The following DROSHA variants were observed in gnomAD, a reference collection of about 807,000 sequenced individuals.
DROSHA encodes ribonuclease 3.
DROSHA carries 56 observed loss-of-function variants against 181.9 expected under a neutral mutation model. The ratio of observed to expected loss-of-function variants is 0.31; its 90% CI spans 0.25 to 0.38. The LOEUF (loss-of-function observed/expected upper bound fraction) is 0.38. DROSHA is among the 10% of genes least tolerant of loss of function. The probability of loss-of-function intolerance (pLI) is 1.00; values close to 1 mark genes in which losing one functional copy is unlikely to be tolerated. For synonymous variants in DROSHA, 524 were observed against 591.2 expected, an observed-to-expected ratio of 0.89 and a Z score of 1.65; for missense variants, 1,218 against 1,743.5, an observed-to-expected ratio of 0.70 and a Z score of 5.37.
chr5:31,466,035 T>A (rs982838365), intron 19 of DROSHA, 147 bp downstream of exon 19: 2 of 763,196 alleles, frequency 2.6e-6, no homozygotes, highest in South Asian at 4.1e-5. Flanking sequence ...TCAATTCGTA[T>A]AATAATGGGG....
chr5:31,506,132 G>A (rs188894330), intron 10 of DROSHA, among the ~76,000 whole-genome samples: 96 of 151,690 alleles, frequency 6.3e-4, no homozygotes, highest in Non-Finnish European at 1.2e-3. Flanking sequence ...ATGCTGAGGC[G>A]GACGGATCAC....
chr5:31,461,033 G>A (rs1011984984), intron 20 of DROSHA, among the ~76,000 whole-genome samples: 7 of 152,096 alleles, frequency 4.6e-5, no homozygotes, highest in East Asian at 1.9e-4. Flanking sequence ...TAGCATATAC[G>A]ACTTGTGACT....
In DROSHA at chr5:31,422,852, A is replaced by G; in HGVS notation, c.3354T>C (p.Phe1118=). 8 of 1,613,754 alleles carry G rather than the reference A, an allele frequency of 5.0e-6. No homozygotes were observed. The highest frequency in any genetic ancestry group is 2.7e-5 in the African/African-American group (2 of 75,058). ...CCCTTGCCAGAAGTCGAACATGAGTAAAAATTACTCCAATTGCTTCTTCAA... is the reference window on the plus strand; with the variant it reads ...CCCTTGCCAGAAGTCGAACATGAGTGAAAATTACTCCAATTGCTTCTTCAA... ...TEFEEAIGVI[F]THVRLLARAF... The change falls in exon 29 of 36, where the codon TTT becomes TTC. Residue 1118 remains phenylalanine, a synonymous_variant. Coordinates refer to ENST00000344624, the MANE Select transcript of DROSHA (RefSeq NM_001382508.1).
chr5:31,511,278 T>C, intron 8 of DROSHA, 102 bp from the exon 9 acceptor site: 1 of 1,164,418 alleles, frequency 8.6e-7, no homozygotes, highest in African/African-American at 1.6e-5. Context: ...AACAGCAAGA[T>C]GCTATTTTTC....
chr5:31,421,198 T>TA lies in DROSHA; in HGVS notation c.3525+73dup, dbSNP rs1365499270. On this transcript the variant is annotated intron_variant, in intron 30 of 35. Coordinates refer to ENST00000344624, the MANE Select transcript of DROSHA (RefSeq NM_001382508.1). ...AAGAGTAAGAAATTAATTACATAGA[T>TA]ATATATTTGACCCCTCTAATCTTCA... The TA allele has an allele frequency of 4.8e-5, 53 of 1,114,880 alleles. No individual in the cohort carries two copies. The South Asian group carries it at 7.0e-4, about 15-fold the overall frequency. 69.1% of individuals were successfully genotyped at this position (1,114,880 alleles called of 1,614,324 possible).
At position 31,497,626 on chromosome 5, in the gene DROSHA, C is replaced by T. The variant is rs566780675; in HGVS notation, c.1669-2254G>A. ...CTGCCAGTCCCACTGTGGAACAGTC[C>T]ATAGGGCTCACCCAGTAGCTGGATC... On this transcript the variant is annotated intron_variant, in intron 11 of 35. Transcript: ENST00000344624. 7.2e-5 allele frequency among the ~76,000 whole-genome samples: 11 copies of T among 152,358 alleles called. No individual in the cohort carries two copies. In the East Asian group the frequency reaches 2.1e-3, roughly 29 times the overall value.
intron 16 of DROSHA, among the ~76,000 whole-genome samples, chr5:31,482,201 C>G (rs1310814553): frequency 6.6e-6 from 1 of 152,182 alleles, no homozygotes; most frequent in Non-Finnish European, 1.5e-5. Context: ...AGATTATAGA[C>G]CACAGATTTA....
chr5:31,422,618 G>A (rs1385267824), intron 29 of DROSHA, among the ~76,000 whole-genome samples, 169 bp downstream of exon 29: 2 of 152,156 alleles, frequency 1.3e-5, no homozygotes, highest in Admixed American at 6.5e-5. Flanking sequence ...CATTGGATTG[G>A]AGCATAACCC....
intron 16 of DROSHA, among the ~76,000 whole-genome samples, chr5:31,474,821 T>C (rs967742597): frequency 6.6e-6 from 1 of 152,124 alleles, no homozygotes; most frequent in Non-Finnish European, 1.5e-5. Context: ...CAGGTGAGGA[T>C]ATAAGAAGAT....
At chr5:31,431,868 T>G (rs1455875245) in intron 25 of DROSHA, among the ~76,000 whole-genome samples, 190 bp from the exon 26 acceptor site, 1 of 152,142 alleles carries the variant, frequency 6.6e-6, no homozygotes, top group Non-Finnish European at 1.5e-5. Context: ...CAGCTCAGTT[T>G]TCACTAACTC....
chr5:31,432,226 G>A (rs1315744855), intron 25 of DROSHA, among the ~76,000 whole-genome samples: 3 of 151,904 alleles, frequency 2.0e-5, no homozygotes, highest in African/African-American at 7.3e-5. Flanking sequence ...CCAACTCTTG[G>A]GTTCAAGCGA....
intron 11 of DROSHA, among the ~76,000 whole-genome samples, chr5:31,497,474 GT>G (rs1309112215): frequency 6.6e-6 from 1 of 152,232 alleles, no homozygotes; most frequent in East Asian, 1.9e-4. Context: ...TTGGGAGCCT[GT>G]CCCCCCTTAC....
Position 31,475,707 on chromosome 5 carries a change from T to C in DROSHA, c.2072-3475A>G, listed in dbSNP as rs145816384. 4.0e-3 allele frequency among the ~76,000 whole-genome samples: 610 copies of C among 152,318 alleles called. 3 individuals carry two copies. The highest frequency in any genetic ancestry group is 7.5e-3 in the South Asian group (36 of 4,828). ...AGTACCAGGGACTTTAAGGACACAA[T>C]AGGGGTCTAAAATACCGTAAGAAGG... On this transcript the variant is annotated intron_variant, in intron 16 of 35. Transcript: ENST00000344624.
Position 31,409,384 on chromosome 5 carries a change from GAA to G in DROSHA, c.3668-54_3668-53del. The stretch of plus-strand genomic sequence containing the variant: ...AAACCACAATCACTGCCATCTATCA[GAA>G]AGAGTAAGAGACCTAGACCTTTAAG... On this transcript the variant is annotated intron_variant, in intron 31 of 35. Coordinates refer to ENST00000344624, the MANE Select transcript of DROSHA (RefSeq NM_001382508.1). The surrounding 1 kb of genome is among the most constrained non-coding windows in gnomAD (Gnocchi z 4.0). 1 of 1,532,156 alleles carries G rather than the reference GAA, an allele frequency of 6.5e-7. No individual in the cohort carries two copies. The highest frequency in any genetic ancestry group is 8.8e-7 in the Non-Finnish European group (1 of 1,132,306). 94.9% of individuals were successfully genotyped at this position (1,532,156 alleles called of 1,614,324 possible). A position where few individuals can be genotyped will look rare whatever the true frequency, so the allele number is the denominator to read the frequency against.
chr5:31,486,631 T>C (rs1751797894), intron 13 of DROSHA, 69 bp from the exon 14 acceptor site: 1 of 1,416,696 alleles, frequency 7.1e-7, no homozygotes, highest in East Asian at 2.3e-5. Flanking sequence ...ACACGTTTGT[T>C]ACCTGACCCA....
chr5:31,418,243 C>CAGAGAG (rs35207002), intron 30 of DROSHA, among the ~76,000 whole-genome samples: 1 of 148,618 alleles, frequency 6.7e-6, no homozygotes, highest in East Asian at 2.0e-4. Flanking sequence ...GTGTGTGTCA[C>CAGAGAG]AGAGAGAGAG....
At chr5:31,425,374 T>G (rs1334643522) in intron 27 of DROSHA, among the ~76,000 whole-genome samples, 1 of 152,170 alleles carries the variant, frequency 6.6e-6, no homozygotes, top group Non-Finnish European at 1.5e-5. Context: ...AACATCAAAC[T>G]TTCTTTGGGG....
At position 31,514,101 on chromosome 5, in the gene DROSHA, A is replaced by G. The variant is rs1170099689; in HGVS notation, c.1290+887T>C. Among the ~76,000 whole-genome samples the G allele has an allele frequency of 2.0e-5, 3 of 152,158 alleles. No homozygotes were observed. Among genetic ancestry groups the G allele is most frequent in the African/African-American group, 7.2e-5 (3 of 41,430 alleles). On this transcript the variant is annotated intron_variant, in intron 8 of 35. Transcript: ENST00000344624. This position sits in a 1 kb window ranked among gnomAD's most constrained non-coding sequence, Gnocchi z 4.4. Reference sequence around the variant, plus strand: ...TCCCTCCAGCCCATTAAGGGTGACAATGGCTCTCCCTTTCTGCAAAACTAG... The same window carrying G: ...TCCCTCCAGCCCATTAAGGGTGACAGTGGCTCTCCCTTTCTGCAAAACTAG...
At chr5:31,405,613 ATTTCC>A in intron 35 of DROSHA, 59 bp downstream of exon 35, 1 of 1,411,294 alleles carries the variant, frequency 7.1e-7, no homozygotes, top group Non-Finnish European at 9.6e-7. Flanking sequence ...CTCCTTCCTC[ATTTCC>A]TTTCCATAAA....
Sources: gnomAD v4.1 joint callset for allele counts (sites outside exome capture counted in the v4.1 genomes callset) on GRCh38, gnomAD v4.1.1 for gene constraint, Gnocchi (gnomAD v3.1) non-coding constraint, MANE v1.5 for transcripts, NCBI Gene and HGNC (gene_info 2026-07-23, HGNC 2026-07-21) for gene names.